Variants in ICE2 observed in about 807,000 individuals in gnomAD.
The protein encoded by ICE2 is little elongation complex subunit 2.
In ICE2, 87 loss-of-function variants were observed where a neutral mutation model predicts 105.4. The ratio of observed to expected loss-of-function variants is 0.83; its 90% CI spans 0.69 to 0.99. ICE2 has a LOEUF of 0.99. Ranked by LOEUF, ICE2 falls within the 50% of genes least tolerant of loss-of-function variation. The pLI, the probability that ICE2 is intolerant of heterozygous loss-of-function variation, is 0.00. For synonymous variants in ICE2, 399 were observed against 392.0 expected (o/e 1.02, Z -0.21); for missense variants, 1,323 against 1,146.7 (o/e 1.15, Z -2.22).
At chr15:60,472,212 T>C (rs1470823344) in intron 3 of ICE2, among the ~76,000 whole-genome samples, 2 of 152,162 alleles carry the variant, frequency 1.3e-5, no homozygotes, top group Non-Finnish European at 2.9e-5. Flanking sequence ...TTTTATATTA[T>C]TCATTTGTAA....
chr15:60,451,541 T>C, intron 9 of ICE2: 1 of 981,566 alleles, frequency 1.0e-6, no homozygotes, highest in Non-Finnish European at 1.2e-6. Context: ...CAACATAAAT[T>C]AGACTAATAG....
At position 60,420,784 on chromosome 15, in the gene ICE2, A is replaced by G. The variant is rs1010645584; in HGVS notation, c.*2850T>C. The G allele has an allele frequency of 6.6e-6, 1 of 152,226 alleles. No homozygotes were observed. The highest frequency in any genetic ancestry group is 1.5e-5 in the Non-Finnish European group (1 of 68,046). The allele number at this position is 152,226 out of a possible 1,614,324, so 9.4% of individuals were successfully genotyped here. A position where few individuals can be genotyped will look rare whatever the true frequency, so the allele number is the denominator to read the frequency against. On this transcript the variant is annotated 3_prime_UTR_variant, in exon 16 of 16. Transcript: ENST00000261520. ...GGTTAGATGACTTGCTTACTTTATC[A>G]AAGCACTTATCACATAAAGCAGTAT...
At chr15:60,458,117 T>C (rs768434411) in intron 5 of ICE2, among the ~76,000 whole-genome samples, 6 of 152,194 alleles carry the variant, frequency 3.9e-5, no homozygotes, top group Admixed American at 2.0e-4. Context: ...TATACTCTGA[T>C]ACATTATACA....
chr15:60,425,185 T>C (rs777315524), intron 15 of ICE2, among the ~76,000 whole-genome samples: 1 of 152,224 alleles, frequency 6.6e-6, no homozygotes, highest in African/African-American at 2.4e-5. Flanking sequence ...AAAGCATTTT[T>C]TTTTATTTAC....
rs766072744 is a variant in ICE2, at chr15:60,453,642, G to C, written c.1086C>G (p.Val362=). 4.3e-6 allele frequency: 7 copies of C among 1,613,302 alleles called. No homozygotes were observed. The highest frequency in any genetic ancestry group is 5.9e-6 in the Non-Finnish European group (7 of 1,179,386). The stretch of plus-strand genomic sequence containing the variant: ...TAAACTCTTCAGGTTTGTCCATAAA[G>C]ACTGCAGAGACTGGAACAGATGTGT... ...SKNTSVPVSA[V]FMDKPEEFIS... Residue 362 remains valine (V), a synonymous_variant, in exon 9 of 16, where the codon GTC becomes GTG. Coordinates refer to ENST00000261520, the MANE Select transcript of ICE2 (RefSeq NM_024611.6).
At chr15:60,452,198 T>G in intron 9 of ICE2, 1 of 949,264 alleles carries the variant, frequency 1.1e-6, no homozygotes, top group East Asian at 1.2e-4. Context: ...CTTTATGACA[T>G]ATGTATCATA....
chr15:60,424,553 C>A (rs182948917), intron 15 of ICE2, among the ~76,000 whole-genome samples: 1 of 152,130 alleles, frequency 6.6e-6, no homozygotes, highest in Non-Finnish European at 1.5e-5. Flanking sequence ...GTCACCCAGG[C>A]TGGAGGACAG....
chr15:60,447,726 T>G, intron 11 of ICE2: 1 of 296,620 alleles, frequency 3.4e-6, no homozygotes, highest in Admixed American at 4.9e-5. Context: ...AATTTTGGAT[T>G]AGGGCTGCTC....
intron 11 of ICE2, among the ~76,000 whole-genome samples, chr15:60,443,472 A>G (rs1488449095): frequency 6.6e-6 from 1 of 152,148 alleles, no homozygotes; most frequent in East Asian, 1.9e-4. Context: ...GGTAAGAACA[A>G]TTCAAATCCA....
chr15:60,457,859 C>A (rs1191582185), intron 5 of ICE2, among the ~76,000 whole-genome samples: 2 of 152,112 alleles, frequency 1.3e-5, no homozygotes, highest in African/African-American at 4.8e-5. Context: ...ATCTTTGCTC[C>A]TTATTTGTAC....
In ICE2 at chr15:60,451,233, G is replaced by A. The variant is rs1020468941; in HGVS notation, c.1126-1392C>T. On this transcript the variant is annotated intron_variant, in intron 9 of 15. Coordinates refer to ENST00000261520, the MANE Select transcript of ICE2 (RefSeq NM_024611.6). ...CCAGAAAGTATGAATAATAATAAAC[G>A]ATGAGAATATATATGAAAGATTGAA... 1.5e-5 allele frequency: 9 copies of A among 589,826 alleles called. No homozygotes were observed. In the East Asian group the frequency reaches 5.7e-4, roughly 38 times the overall value. The allele number at this position is 589,826 out of a possible 1,614,324, so 36.5% of individuals were successfully genotyped here.
chr15:60,456,035 T>A (rs1395773208), intron 6 of ICE2, among the ~76,000 whole-genome samples: 1 of 152,048 alleles, frequency 6.6e-6, no homozygotes, highest in Non-Finnish European at 1.5e-5. Context: ...ATTTCCAATA[T>A]GTTTGTCAAT....
At chr15:60,446,629 T>A (rs905493855) in intron 11 of ICE2, among the ~76,000 whole-genome samples, 1 of 152,132 alleles carries the variant, frequency 6.6e-6, no homozygotes, top group African/African-American at 2.4e-5. Flanking sequence ...TCTCCTGACC[T>A]CGTGATCTGC....
intron 12 of ICE2, chr15:60,438,314 A>AATC (rs2063642059): frequency 6.6e-6 from 1 of 152,220 alleles, no homozygotes; most frequent in African/African-American, 2.4e-5. Context: ...AGCTGATGTC[A>AATC]ATCACTGGGA....
intron 12 of ICE2, chr15:60,440,218 C>G (rs1030368202): frequency 1.3e-5 from 2 of 152,130 alleles, no homozygotes; most frequent in African/African-American, 4.8e-5. Flanking sequence ...GACTGAAGAG[C>G]CAGCAGTGAA....
chr15:60,477,716 T>C (rs1027359234), intron 2 of ICE2, among the ~76,000 whole-genome samples: 8 of 152,188 alleles, frequency 5.3e-5, no homozygotes, highest in Non-Finnish European at 1.5e-5. Flanking sequence ...TAAAAATAAT[T>C]TGAGTGCTGA....
chr15:60,444,066 A>G (rs2063773391), intron 11 of ICE2, among the ~76,000 whole-genome samples: 1 of 152,164 alleles, frequency 6.6e-6, no homozygotes, highest in Non-Finnish European at 1.5e-5. Flanking sequence ...GTGCTACTGC[A>G]CTCCTGCCTG....
intron 3 of ICE2, among the ~76,000 whole-genome samples, chr15:60,475,205 C>T (rs756312534): frequency 6.6e-6 from 1 of 151,976 alleles, no homozygotes; most frequent in Non-Finnish European, 1.5e-5. Flanking sequence ...ACTTGGTTTC[C>T]GGATTCATCA....
intron 14 of ICE2, among the ~76,000 whole-genome samples, chr15:60,430,737 G>A (rs969843734): frequency 5.9e-5 from 9 of 152,142 alleles, no homozygotes; most frequent in African/African-American, 1.7e-4. Flanking sequence ...CTGTAAGTTC[G>A]TTTTCAAGTT....
Sources: gnomAD v4.1 joint callset for allele counts (sites outside exome capture counted in the v4.1 genomes callset) on GRCh38, gnomAD v4.1.1 for gene constraint, MANE v1.5 for transcripts, NCBI Gene and HGNC (gene_info 2026-07-23, HGNC 2026-07-21) for gene names.